The following MEI4 variants were observed in gnomAD, a reference collection of about 807,000 sequenced individuals.
MEI4 encodes meiosis-specific protein MEI4.
Under a neutral mutation model 31.4 loss-of-function variants are expected in MEI4, and 27 were observed. The observed-to-expected ratio is 0.86, with a 90% CI of 0.63 to 1.19. The LOEUF (loss-of-function observed/expected upper bound fraction) is 1.19. MEI4 is among the 50% of genes most tolerant of loss of function. The pLI is 0.00. For missense variants in MEI4, 329 were observed against 398.9 expected (o/e 0.82, Z 1.49); for synonymous variants, 122 against 145.4 (o/e 0.84, Z 1.16).
chr6:77,796,701 A>C (rs1357550442), intron 3 of MEI4, among the ~76,000 whole-genome samples: 1 of 152,226 alleles, frequency 6.6e-6, no homozygotes, highest in African/African-American at 2.4e-5. Context: ...AGAAACTGAA[A>C]GACAAGAGTT....
intron 4 of MEI4, among the ~76,000 whole-genome samples, chr6:77,915,619 A>G (rs1296100881): frequency 6.6e-6 from 1 of 151,882 alleles, no homozygotes; most frequent in East Asian, 1.9e-4. Context: ...TATCTGGGTG[A>G]TCTAGTGTTG....
At chr6:77,696,224 ACTTC>A (rs1766036385) in intron 2 of MEI4, among the ~76,000 whole-genome samples, 1 of 152,084 alleles carries the variant, frequency 6.6e-6, no homozygotes, top group African/African-American at 2.4e-5. Context: ...GGACAATTTG[ACTTC>A]CTCTTTTCCT....
chr6:77,868,499 C>CTATATA lies in MEI4; in HGVS notation c.900+39439_900+39440insTATATA, dbSNP rs71558933. Among the ~76,000 whole-genome samples, 367 of 61,712 alleles carry CTATATA rather than the reference C, an allele frequency of 5.9e-3. 34 individuals carry two copies. The highest frequency in any genetic ancestry group is 0.011 in the African/African-American group (196 of 17,216). The allele number at this position is 61,712 out of a possible 152,430, so 40.5% of individuals were successfully genotyped here. On this transcript the variant is annotated intron_variant, in intron 4 of 4. Coordinates refer to ENST00000684080, the MANE Select transcript of MEI4 (RefSeq NM_001322247.2). ...GGAAAAAACTTCCATGTAAAAAATACTACATATATATATATATATATATAT... is the reference window on the plus strand; with the variant it reads ...GGAAAAAACTTCCATGTAAAAAATACTATATATACATATATATATATATATATATAT...
chr6:77,747,307 A>G (rs1236375158), intron 2 of MEI4, among the ~76,000 whole-genome samples: 1 of 152,136 alleles, frequency 6.6e-6, no homozygotes, highest in East Asian at 1.9e-4. Flanking sequence ...GCAAGACTCA[A>G]GACTCCATCT....
chr6:77,824,479 T>A (rs905238853), intron 3 of MEI4, among the ~76,000 whole-genome samples: 23 of 152,138 alleles, frequency 1.5e-4, no homozygotes, highest in South Asian at 4.1e-4. Flanking sequence ...TATGGTCTCA[T>A]GGTTAGGATT....
chr6:77,750,094 C>T (rs1767729001), intron 2 of MEI4, among the ~76,000 whole-genome samples: 1 of 152,140 alleles, frequency 6.6e-6, no homozygotes, highest in African/African-American at 2.4e-5. Context: ...ATCACCAAGC[C>T]TGCCTTATGA....
chr6:77,921,773 G>GAGAT (rs1372830826), intron 4 of MEI4, among the ~76,000 whole-genome samples: 1 of 151,784 alleles, frequency 6.6e-6, no homozygotes, highest in African/African-American at 2.4e-5. Context: ...GAGAGTAAGG[G>GAGAT]AGATAGGTAA....
At chr6:77,729,218 T>C (rs1454916946) in intron 2 of MEI4, among the ~76,000 whole-genome samples, 1 of 152,192 alleles carries the variant, frequency 6.6e-6, no homozygotes, top group African/African-American at 2.4e-5. Context: ...AATAGTAGTG[T>C]AAACATACAT....
intron 1 of MEI4, among the ~76,000 whole-genome samples, chr6:77,675,731 C>G (rs560639468): frequency 5.6e-4 from 85 of 152,126 alleles, no homozygotes; most frequent in African/African-American, 2.0e-3. Flanking sequence ...GATATAACAT[C>G]AATTTTCACA....
intron 4 of MEI4, among the ~76,000 whole-genome samples, chr6:77,897,033 A>T (rs1766096430): frequency 6.6e-6 from 1 of 152,036 alleles, no homozygotes; most frequent in Non-Finnish European, 1.5e-5. Flanking sequence ...TTCTCCCAGC[A>T]TCCCAATAGA....
chr6:77,714,562 A>G (rs1766537835), intron 2 of MEI4, among the ~76,000 whole-genome samples: 1 of 152,228 alleles, frequency 6.6e-6, no homozygotes, highest in Non-Finnish European at 1.5e-5. Context: ...AAGGAGCTTC[A>G]ATGAATTAAA....
At chr6:77,672,264 A>G (rs1318512818) in intron 1 of MEI4, among the ~76,000 whole-genome samples, 1 of 152,212 alleles carries the variant, frequency 6.6e-6, no homozygotes, top group Non-Finnish European at 1.5e-5. Context: ...ATGTTTGCAC[A>G]TCTATCCAGA....
At chr6:77,787,489 C>T (rs1271428621) in intron 3 of MEI4, among the ~76,000 whole-genome samples, 2 of 152,166 alleles carry the variant, frequency 1.3e-5, no homozygotes, top group Non-Finnish European at 2.9e-5. Context: ...GCCATGTGAT[C>T]TGGCTCCAAC....
chr6:77,736,673 A>G (rs1026453950), intron 2 of MEI4, among the ~76,000 whole-genome samples: 14 of 151,988 alleles, frequency 9.2e-5, no homozygotes, highest in African/African-American at 3.1e-4. Context: ...TTAATTCAGT[A>G]TTTGTGAGGT....
chr6:77,821,200 C>T (rs920747740), intron 3 of MEI4, among the ~76,000 whole-genome samples: 1 of 151,442 alleles, frequency 6.6e-6, no homozygotes, highest in Non-Finnish European at 1.5e-5. Context: ...TTCTATATTC[C>T]GTATCAGATA....
chr6:77,700,544 G>C (rs539736940), intron 2 of MEI4, among the ~76,000 whole-genome samples: 1 of 152,162 alleles, frequency 6.6e-6, no homozygotes, highest in Non-Finnish European at 1.5e-5. Context: ...TGCGCTTCCC[G>C]AGTGAGGCAG....
At chr6:77,694,117 A>C (rs1376525245) in intron 2 of MEI4, among the ~76,000 whole-genome samples, 1 of 152,072 alleles carries the variant, frequency 6.6e-6, no homozygotes, top group Non-Finnish European at 1.5e-5. Flanking sequence ...ATATCAGATA[A>C]ACAATGAGTA....
intron 3 of MEI4, among the ~76,000 whole-genome samples, chr6:77,826,915 C>T (rs1769965767): frequency 6.6e-6 from 1 of 152,076 alleles, no homozygotes; most frequent in Non-Finnish European, 1.5e-5. Context: ...CTACCCATTT[C>T]CTTCATATTT....
chr6:77,755,122 G>A (rs1582107302), intron 2 of MEI4, among the ~76,000 whole-genome samples: 1 of 152,098 alleles, frequency 6.6e-6, no homozygotes, highest in East Asian at 1.9e-4. Context: ...CTTGAGAGCA[G>A]GAATCAAGAT....
Sources: allele counts gnomAD v4.1 joint callset (sites outside exome capture counted in the v4.1 genomes callset), GRCh38; gene constraint gnomAD v4.1.1; transcripts MANE v1.5; gene names NCBI Gene and HGNC (gene_info 2026-07-23, HGNC 2026-07-21).